PRKG1: variants seen among roughly 807,000 people sequenced by gnomAD.
The protein encoded by PRKG1 is protein kinase cGMP-dependent 1.
PRKG1 carries 35 observed loss-of-function variants against 88.1 expected under a neutral mutation model. The observed-to-expected ratio is 0.40, with a 90% confidence interval of 0.30 to 0.53. The LOEUF (loss-of-function observed/expected upper bound fraction) is 0.53. Ranked by LOEUF, PRKG1 falls within the 20% of genes least tolerant of loss-of-function variation. PRKG1 has a pLI of 0.59. For missense variants in PRKG1, 540 were observed against 839.8 expected (o/e 0.64, Z 4.41); for synonymous variants, 303 against 292.5 (o/e 1.04, Z -0.37).
At chr10:52,242,944 AAAAAG>A (rs2132382142) in intron 9 of PRKG1, among the ~76,000 whole-genome samples, 1 of 152,246 alleles carries the variant, frequency 6.6e-6, no homozygotes, top group Admixed American at 6.5e-5. Flanking sequence ...AAGAAGAAGA[AAAAAG>A]AAAAGAAAAA....
chr10:51,798,827 C>T (rs971767078), intron 3 of PRKG1, among the ~76,000 whole-genome samples: 2 of 152,014 alleles, frequency 1.3e-5, no homozygotes, highest in African/African-American at 2.4e-5. Flanking sequence ...ACGGTTCTCA[C>T]CCCTTAAAAT....
At chr10:52,037,099 G>A (rs1198260063) in intron 5 of PRKG1, among the ~76,000 whole-genome samples, 1 of 152,264 alleles carries the variant, frequency 6.6e-6, no homozygotes, top group African/African-American at 2.4e-5. Context: ...AGGGGCTCTG[G>A]GAGTGGCTGC....
At chr10:51,159,725 G>T (rs903183927) in intron 2 of PRKG1, among the ~76,000 whole-genome samples, 1 of 152,040 alleles carries the variant, frequency 6.6e-6, no homozygotes, top group Non-Finnish European at 1.5e-5. Context: ...AGTTCAGGAG[G>T]CATAAAATGT....
In PRKG1 at chr10:52,245,249, A is replaced by G. The variant is rs561785207; in HGVS notation, c.1077-6321A>G. ...TGTTTCTGTAGATAATTATTTACAGATTGCAGTGCTCTTTGGTTACATAAA... is the reference window on the plus strand; with the variant it reads ...TGTTTCTGTAGATAATTATTTACAGGTTGCAGTGCTCTTTGGTTACATAAA... On this transcript the variant is annotated intron_variant, in intron 9 of 17. Coordinates refer to ENST00000373980, the MANE Select transcript of PRKG1 (RefSeq NM_006258.4). 5.9e-5 allele frequency among the ~76,000 whole-genome samples: 9 copies of G among 152,164 alleles called. No homozygotes were observed. In the East Asian group the frequency reaches 1.2e-3, roughly 20 times the overall value.
intron 1 of PRKG1, among the ~76,000 whole-genome samples, chr10:51,118,748 T>C (rs1167292843): frequency 6.6e-6 from 1 of 152,148 alleles, no homozygotes; most frequent in Non-Finnish European, 1.5e-5. Flanking sequence ...GTTGTTCTAT[T>C]CGTCTCTGCA....
At chr10:51,554,327 CACACATATA>C (rs202246335) in intron 3 of PRKG1, among the ~76,000 whole-genome samples, 1,609 of 128,774 alleles carry the variant, frequency 0.012, 35 homozygotes, top group African/African-American at 0.038. Flanking sequence ...ATAATATATA[CACACATATA>C]TTATATACAC....
At chr10:51,454,688 T>G (rs1839532296) in intron 2 of PRKG1, among the ~76,000 whole-genome samples, 1 of 152,168 alleles carries the variant, frequency 6.6e-6, no homozygotes, top group Non-Finnish European at 1.5e-5. Context: ...GAGAGCCCAG[T>G]GAAAGGGAAA....
At chr10:51,128,220 G>A (rs529753821) in intron 1 of PRKG1, among the ~76,000 whole-genome samples, 16 of 81,680 alleles carry the variant, frequency 2.0e-4, no homozygotes, top group African/African-American at 4.5e-4. Context: ...AAAAAAATCC[G>A]GATAGACTTA....
intron 2 of PRKG1, chr10:51,245,498 A>G (rs1322616727): frequency 6.6e-6 from 1 of 152,122 alleles, no homozygotes; most frequent in Non-Finnish European, 1.5e-5. Flanking sequence ...CTCTGTTAAT[A>G]CTGAAGATGT....
chr10:50,992,514 C>T (rs1434025837), intron 1 of PRKG1, among the ~76,000 whole-genome samples: 1 of 152,056 alleles, frequency 6.6e-6, no homozygotes, highest in Non-Finnish European at 1.5e-5. Flanking sequence ...TGAGTCCCTC[C>T]CTGGAAAAGT....
intron 2 of PRKG1, among the ~76,000 whole-genome samples, chr10:51,205,692 A>G (rs181573142): frequency 2.7e-5 from 4 of 150,066 alleles, no homozygotes; most frequent in African/African-American, 9.8e-5. Context: ...CTGCCACCAC[A>G]CTGGCAAATT....
At chr10:51,408,221 C>G (rs1053742324) in intron 2 of PRKG1, among the ~76,000 whole-genome samples, 1 of 152,164 alleles carries the variant, frequency 6.6e-6, no homozygotes, top group Non-Finnish European at 1.5e-5. Context: ...CCCAGCCCTG[C>G]AAAGTATTGT....
At chr10:51,874,387 G>A (rs868565102) in intron 4 of PRKG1, among the ~76,000 whole-genome samples, 2 of 152,208 alleles carry the variant, frequency 1.3e-5, no homozygotes, top group African/African-American at 2.4e-5. Flanking sequence ...AAGAGAGCAT[G>A]AAAGCCGAGA....
intron 9 of PRKG1, among the ~76,000 whole-genome samples, chr10:52,203,109 G>A (rs1839720776): frequency 6.6e-6 from 1 of 151,968 alleles, no homozygotes; most frequent in Non-Finnish European, 1.5e-5. Flanking sequence ...GTGATGTTAG[G>A]TTGTTAATTT....
intron 3 of PRKG1, among the ~76,000 whole-genome samples, chr10:51,622,895 A>C (rs937226592): frequency 6.6e-6 from 1 of 152,192 alleles, no homozygotes; most frequent in African/African-American, 2.4e-5. Flanking sequence ...CTAAGATACT[A>C]TTTGTTCATT....
chr10:51,821,289 T>A (rs1430883713), intron 4 of PRKG1, among the ~76,000 whole-genome samples: 1 of 152,174 alleles, frequency 6.6e-6, no homozygotes, highest in Non-Finnish European at 1.5e-5. Context: ...GAGGCTAGTA[T>A]AAATAAAGCT....
At chr10:51,302,501 A>G (rs1460280471) in intron 2 of PRKG1, 2 of 151,766 alleles carry the variant, frequency 1.3e-5, no homozygotes, top group African/African-American at 2.4e-5. Flanking sequence ...AATATCTTCA[A>G]TGTTGGTTCT....
At chr10:51,376,876 C>G (rs1198656462) in intron 2 of PRKG1, among the ~76,000 whole-genome samples, 1 of 152,022 alleles carries the variant, frequency 6.6e-6, no homozygotes, top group Admixed American at 6.6e-5. Flanking sequence ...AAGGTTTCAC[C>G]ATGTTGGCCA....
At chr10:52,036,612 T>G (rs1845617611) in intron 5 of PRKG1, among the ~76,000 whole-genome samples, 1 of 151,714 alleles carries the variant, frequency 6.6e-6, no homozygotes, top group African/African-American at 2.4e-5. Context: ...ACTTGTGGGT[T>G]AAGGTGGGGG....
Sources: gnomAD v4.1 joint callset for allele counts (sites outside exome capture counted in the v4.1 genomes callset) on GRCh38, gnomAD v4.1.1 for gene constraint, MANE v1.5 for transcripts, NCBI Gene and HGNC (gene_info 2026-07-23, HGNC 2026-07-21) for gene names.